ITPR1: variants seen among roughly 807,000 people sequenced by gnomAD.
ITPR1 encodes the protein inositol 1,4,5-trisphosphate receptor type 1, also known as inositol 1,4,5-trisphosphate-gated calcium channel ITPR1.
Under a neutral mutation model 318.4 loss-of-function variants are expected in ITPR1, and 96 were observed. That is an observed-to-expected ratio of 0.30 (90% CI 0.26 to 0.36). The LOEUF is 0.36. Ranked by LOEUF, ITPR1 falls within the 10% of genes least tolerant of loss-of-function variation. ITPR1 has a pLI of 1.00. For missense variants in ITPR1, 2,440 were observed against 3,460.2 expected (o/e 0.71, Z 7.40); for synonymous variants, 1,312 against 1,289.9 (o/e 1.02, Z -0.37).
At position 4,493,516 on chromosome 3, in the gene ITPR1, C is replaced by G. The variant is rs41276527; in HGVS notation, c.-182C>G. 1 of 153,674 alleles carries G rather than the reference C, an allele frequency of 6.5e-6. No homozygotes were observed. The highest frequency in any genetic ancestry group is 1.5e-5 in the Non-Finnish European group (1 of 68,218). 9.5% of individuals were successfully genotyped at this position (153,674 alleles called of 1,614,324 possible). A position where few individuals can be genotyped will look rare whatever the true frequency, so the allele number is the denominator to read the frequency against. ...CGCTTCCATCCTAACGGAACGAGCTCCCTCTTCGCGGACATGGGATTACCC... is the reference window on the plus strand; with the variant it reads ...CGCTTCCATCCTAACGGAACGAGCTGCCTCTTCGCGGACATGGGATTACCC... On this transcript the variant is annotated 5_prime_UTR_variant, in exon 1 of 62. Transcript: ENST00000649015.
Position 4,554,311 on chromosome 3 carries a change from G to A in ITPR1, c.163+33217G>A, listed in dbSNP as rs562934276. ...CTTTATTTTGTCAGAAATGAGTACAGTGTTTGGCACATCATAGGTGCTCCA... is the reference window on the plus strand; with the variant it reads ...CTTTATTTTGTCAGAAATGAGTACAATGTTTGGCACATCATAGGTGCTCCA... On this transcript the variant is annotated intron_variant, in intron 4 of 61. Coordinates refer to ENST00000649015, the MANE Select transcript of ITPR1 (RefSeq NM_001378452.1). Among the ~76,000 whole-genome samples the A allele has an allele frequency of 3.9e-5, 6 of 152,354 alleles. No homozygotes were observed. In the East Asian group the frequency reaches 1.2e-3, roughly 29 times the overall value.
chr3:4,621,054 A>C (rs959885465), intron 4 of ITPR1, among the ~76,000 whole-genome samples: 1 of 151,842 alleles, frequency 6.6e-6, no homozygotes, highest in Non-Finnish European at 1.5e-5. Context: ...AGCAGAGCCA[A>C]AATTAAAATT....
chr3:4,644,221 C>T lies in ITPR1; in HGVS notation c.611C>T (p.Pro204Leu). 1 of 1,606,048 alleles carries T rather than the reference C, an allele frequency of 6.2e-7. No homozygotes were observed. Among genetic ancestry groups the T allele is most frequent in the Non-Finnish European group, 8.5e-7 (1 of 1,175,822 alleles). Reference protein sequence around the residue: ...HASSHQLVDNPGCNEVNSVNC... With the variant: ...HASSHQLVDNLGCNEVNSVNC... ...AGCAGCCATCAACTGGTAGATAACC[C>T]AGGCTGCAATGAGGTAAGGACATTG... Residue 204 changes from proline to leucine, a missense_variant, in exon 8 of 62, where the codon CCA becomes CTA. Coordinates refer to ENST00000649015, the MANE Select transcript of ITPR1 (RefSeq NM_001378452.1).
chr3:4,672,769 A>G (rs2094113576), intron 20 of ITPR1, among the ~76,000 whole-genome samples: 1 of 152,224 alleles, frequency 6.6e-6, no homozygotes, highest in African/African-American at 2.4e-5. Flanking sequence ...TTACTGTATA[A>G]AACACAGCTG....
At chr3:4,642,949 C>T (rs2093371201) in intron 7 of ITPR1, among the ~76,000 whole-genome samples, 2 of 152,162 alleles carry the variant, frequency 1.3e-5, no homozygotes, top group African/African-American at 4.8e-5. Context: ...GAAAAATATG[C>T]CGCAAACAGC....
chr3:4,689,906 C>G (rs1183963442), intron 31 of ITPR1, among the ~76,000 whole-genome samples: 1 of 152,168 alleles, frequency 6.6e-6, no homozygotes, highest in African/African-American at 2.4e-5. Flanking sequence ...ATTTGCGATG[C>G]ACGTTCTCAA....
At position 4,710,959 on chromosome 3, in the gene ITPR1, C is replaced by A. The variant is rs538954536; in HGVS notation, c.4991+486C>A. On this transcript the variant is annotated intron_variant, in intron 38 of 61. Coordinates refer to ENST00000649015, the MANE Select transcript of ITPR1 (RefSeq NM_001378452.1). This position sits in a 1 kb window ranked among gnomAD's most constrained non-coding sequence, Gnocchi z 4.2. ...GGACACGGTGGCTCATGCCTGTAAT[C>A]CCAGCACTTTGGGAGGCCGGGGCTG... 1.3e-5 allele frequency among the ~76,000 whole-genome samples: 2 copies of A among 152,282 alleles called. No individual in the cohort carries two copies. Among genetic ancestry groups the A allele is most frequent in the South Asian group, 4.1e-4 (2 of 4,826 alleles).
chr3:4,612,151 T>C (rs2092162408), intron 4 of ITPR1, among the ~76,000 whole-genome samples: 1 of 145,378 alleles, frequency 6.9e-6, no homozygotes, highest in African/African-American at 2.5e-5. Flanking sequence ...AAGCTCTGTC[T>C]CTTGTGTTCA....
intron 29 of ITPR1, 132 bp from the exon 30 acceptor site, chr3:4,684,937 A>G: frequency 1.2e-6 from 1 of 811,344 alleles, no homozygotes; most frequent in Non-Finnish European, 2.0e-6. Flanking sequence ...AATGCCACAT[A>G]CTGAAGGAAT....
chr3:4,578,243 A>C (rs1191916632), intron 4 of ITPR1, among the ~76,000 whole-genome samples: 1 of 152,180 alleles, frequency 6.6e-6, no homozygotes. Context: ...AAATTATGTA[A>C]GATTCTATAG....
intron 54 of ITPR1, among the ~76,000 whole-genome samples, chr3:4,801,411 C>T (rs2048222416): frequency 1.3e-5 from 2 of 152,072 alleles, no homozygotes; most frequent in Admixed American, 6.6e-5. Context: ...CTTTAGAGAA[C>T]AGGTCATGTC....
At chr3:4,629,002 G>A (rs1003466658) in intron 5 of ITPR1, among the ~76,000 whole-genome samples, 25 of 152,128 alleles carry the variant, frequency 1.6e-4, no homozygotes, top group Non-Finnish European at 2.1e-4. Flanking sequence ...TGTTTCAGAC[G>A]GGCTGTGATG....
rs180849279 is a variant in ITPR1, at chr3:4,705,268, G to A, written c.4658-899G>A. Among the ~76,000 whole-genome samples, 10 of 152,106 alleles carry A rather than the reference G, an allele frequency of 6.6e-5. No homozygotes were observed. The East Asian group carries it at 1.9e-3, about 29-fold the overall frequency. On this transcript the variant is annotated intron_variant, in intron 36 of 61. Transcript: ENST00000649015. The stretch of plus-strand genomic sequence containing the variant: ...ATTTTGGAATAATTTCAGGTTTATG[G>A]GACTGTAGCAAGGGTAATACAGAGA...
chr3:4,624,660 G>T (rs2092761709), intron 4 of ITPR1, among the ~76,000 whole-genome samples: 1 of 130,826 alleles, frequency 7.6e-6, no homozygotes, highest in Non-Finnish European at 1.5e-5. Context: ...ACAGAGCCAG[G>T]CTCTGTCTCC....
rs189036028 is a variant in ITPR1, at chr3:4,541,297, A to G, written c.163+20203A>G. 4.8e-4 allele frequency among the ~76,000 whole-genome samples: 73 copies of G among 152,330 alleles called. 1 individual carries two copies. The highest frequency in any genetic ancestry group is 7.9e-4 in the Non-Finnish European group (54 of 68,038). On this transcript the variant is annotated intron_variant, in intron 4 of 61. Coordinates refer to ENST00000649015, the MANE Select transcript of ITPR1 (RefSeq NM_001378452.1). The stretch of plus-strand genomic sequence containing the variant: ...TAGTGGTAAATTCTATTTTGTTTGA[A>G]AATATTCACTTTTAATTCTCTGAAA...
chr3:4,560,712 T>A (rs932534881), intron 4 of ITPR1, among the ~76,000 whole-genome samples: 10 of 152,150 alleles, frequency 6.6e-5, no homozygotes, highest in Non-Finnish European at 1.0e-4. Context: ...AGGAACAGAT[T>A]AACTTTGGTG....
intron 4 of ITPR1, among the ~76,000 whole-genome samples, chr3:4,552,682 T>C (rs993190930): frequency 2.0e-5 from 3 of 152,192 alleles, no homozygotes; most frequent in Admixed American, 1.3e-4. Flanking sequence ...GCATGATTGA[T>C]TAAATCATTG....
At chr3:4,578,188 A>C (rs762280113) in intron 4 of ITPR1, among the ~76,000 whole-genome samples, 11 of 152,238 alleles carry the variant, frequency 7.2e-5, no homozygotes, top group Non-Finnish European at 1.5e-4. Flanking sequence ...GCTCTTGTGT[A>C]GGCATGTTTC....
In ITPR1 at chr3:4,847,331, G is replaced by C. The variant is rs1448652146; in HGVS notation, c.*1106G>C. ...TTCTTGATGGATGAAAAATATGAAAGGAAACTTTTATATCTGTTGCCTAGT... is the reference window on the plus strand; with the variant it reads ...TTCTTGATGGATGAAAAATATGAAACGAAACTTTTATATCTGTTGCCTAGT... On this transcript the variant is annotated 3_prime_UTR_variant, in exon 62 of 62. Coordinates refer to ENST00000649015, the MANE Select transcript of ITPR1 (RefSeq NM_001378452.1). 1 of 146,950 alleles carries C rather than the reference G, an allele frequency of 6.8e-6. No homozygotes were observed. 9.1% of individuals were successfully genotyped at this position (146,950 alleles called of 1,614,324 possible).
Sources: gnomAD v4.1 joint callset for allele counts (sites outside exome capture counted in the v4.1 genomes callset) on GRCh38, gnomAD v4.1.1 for gene constraint, Gnocchi (gnomAD v3.1) non-coding constraint, MANE v1.5 for transcripts, NCBI Gene and HGNC (gene_info 2026-07-23, HGNC 2026-07-21) for gene names.